SLC25A43: variants seen among roughly 807,000 people sequenced by gnomAD.
SLC25A43 encodes the protein solute carrier family 25, member 43.
SLC25A43 carries 10 observed loss-of-function variants against 22.8 expected under a neutral mutation model. The ratio of observed to expected loss-of-function variants is 0.44; its 90% CI spans 0.27 to 0.74. The LOEUF (loss-of-function observed/expected upper bound fraction) is 0.74. Among genes scored for constraint, SLC25A43 ranks in the 30% least tolerant of loss-of-function variants. The pLI, the probability that SLC25A43 is intolerant of heterozygous loss-of-function variation, is 0.17. For synonymous variants in SLC25A43, 106 were observed against 121.6 expected (o/e 0.87, Z 0.84); for missense variants, 233 against 279.1 (o/e 0.83, Z 1.18).
chrX:119,452,297 C>T (rs1345470391), intron 4 of SLC25A43, among the ~76,000 whole-genome samples, 154 bp downstream of exon 4: 1 of 111,101 alleles, frequency 9.0e-6, no homozygotes, highest in African/African-American at 3.3e-5. Flanking sequence ...GTCTGTCAGC[C>T]CCGTAGAGAG....
chrX:119,399,640 C>A lies in SLC25A43; in HGVS notation c.237C>A (p.Leu79=). ...GGAACGCGGTGGCGTGCCTGCGCCT[C>A]TTCCCCTGCAGCGCCGTGCAGCTCG... ...WKGNAVACLR[L]FPCSAVQLAA... is the part of the protein sequence containing the mutation. Residue 79 remains leucine (L), a synonymous_variant, in exon 1 of 5, where the codon CTC becomes CTA. Transcript: ENST00000217909. The A allele has an allele frequency of 9.8e-7, 1 of 1,015,886 alleles. No homozygotes were observed. Among genetic ancestry groups the A allele is most frequent in the East Asian group, 4.1e-5 (1 of 24,366 alleles). 83.7% of individuals were successfully genotyped at this position (1,015,886 alleles called of 1,213,427 possible). A position where few individuals can be genotyped will look rare whatever the true frequency, so the allele number is the denominator to read the frequency against.
rs922400021 is a variant in SLC25A43 at position 119,419,330 on chromosome X, A to G, written c.690+8968A>G. On this transcript the variant is annotated intron_variant, in intron 3 of 4. Coordinates refer to ENST00000217909, the MANE Select transcript of SLC25A43 (RefSeq NM_145305.3). ...TTATACCCCAGTGGACTTTGACCCC[A>G]TCACAGCTCACAAGGTAAGCAGGAT... Among the ~76,000 whole-genome samples, 3 of 111,889 alleles carry G rather than the reference A, an allele frequency of 2.7e-5. No individual in the cohort carries two copies. The Admixed American group carries it at 2.8e-4, about 11-fold the overall frequency.
Position 119,453,271 on chromosome X carries a change from A to C in SLC25A43, c.*206A>C, listed in dbSNP as rs2052719189. The stretch of plus-strand genomic sequence containing the variant: ...CACTATGAGAAGGTTTCCCAACAAG[A>C]GTGTATCATGATGGCATTCCACGAG... On this transcript the variant is annotated 3_prime_UTR_variant, in exon 5 of 5. Coordinates refer to ENST00000217909, the MANE Select transcript of SLC25A43 (RefSeq NM_145305.3). 1 of 425,287 alleles carries C rather than the reference A, an allele frequency of 2.4e-6. No homozygotes were observed. Among genetic ancestry groups the C allele is most frequent in the East Asian group, 3.8e-5 (1 of 25,982 alleles). The allele number at this position is 425,287 out of a possible 1,213,427, so 35.0% of individuals were successfully genotyped here.
intron 3 of SLC25A43, among the ~76,000 whole-genome samples, chrX:119,451,232 G>T (rs2052705139): frequency 9.0e-6 from 1 of 111,561 alleles, no homozygotes; most frequent in East Asian, 2.8e-4. Flanking sequence ...TAATAATAGG[G>T]TTCCGTCAGG....
At chrX:119,432,050 G>A (rs1193843677) in intron 3 of SLC25A43, among the ~76,000 whole-genome samples, 1 of 108,530 alleles carries the variant, frequency 9.2e-6, no homozygotes, top group Non-Finnish European at 1.9e-5. Flanking sequence ...TACTTGGGAG[G>A]CTGAGGCAGG....
intron 3 of SLC25A43, among the ~76,000 whole-genome samples, chrX:119,428,939 C>T (rs958940639): frequency 8.9e-6 from 1 of 112,141 alleles, no homozygotes; most frequent in East Asian, 2.8e-4. Context: ...ACCATTCCCC[C>T]CAACCCCTTG....
intron 1 of SLC25A43, among the ~76,000 whole-genome samples, chrX:119,402,800 G>A (rs2052250400): frequency 9.0e-6 from 1 of 111,512 alleles, no homozygotes; most frequent in Admixed American, 9.5e-5. Context: ...GGACTGAGAT[G>A]ACATCATTGG....
At chrX:119,406,842 C>G (rs1295385053) in intron 2 of SLC25A43, 141 bp downstream of exon 2, 11 of 743,465 alleles carry the variant, frequency 1.5e-5, no homozygotes, top group Non-Finnish European at 2.1e-5. Flanking sequence ...AGGCAATTAG[C>G]TTCATTCTAT....
chrX:119,414,574 C>T (rs2052382564), intron 3 of SLC25A43, among the ~76,000 whole-genome samples: 2 of 110,608 alleles, frequency 1.8e-5, no homozygotes, highest in Non-Finnish European at 3.8e-5. Context: ...GTTGGCCGGG[C>T]TGGAGTGGTG....
chrX:119,412,528 T>G (rs2052359305), intron 3 of SLC25A43, among the ~76,000 whole-genome samples: 1 of 111,314 alleles, frequency 9.0e-6, no homozygotes, highest in Non-Finnish European at 1.9e-5. Context: ...CATGTGCCAC[T>G]ACACCCAGCT....
chrX:119,434,221 A>G (rs1569374282), intron 3 of SLC25A43, among the ~76,000 whole-genome samples: 1 of 110,598 alleles, frequency 9.0e-6, no homozygotes, highest in Non-Finnish European at 1.9e-5. Flanking sequence ...TAGGTTGATG[A>G]CAGTGCCATT....
chrX:119,453,267 C>A lies in SLC25A43; in HGVS notation c.*202C>A, dbSNP rs2052719164. 1 of 429,260 alleles carries A rather than the reference C, an allele frequency of 2.3e-6. No individual in the cohort carries two copies. Among genetic ancestry groups the A allele is most frequent in the Admixed American group, 4.2e-5 (1 of 23,916 alleles). The allele number at this position is 429,260 out of a possible 1,213,427, so 35.4% of individuals were successfully genotyped here. On this transcript the variant is annotated 3_prime_UTR_variant, in exon 5 of 5. Transcript: ENST00000217909. The stretch of plus-strand genomic sequence containing the variant: ...CCTGCACTATGAGAAGGTTTCCCAA[C>A]AAGAGTGTATCATGATGGCATTCCA...
chrX:119,425,861 C>T (rs943619087), intron 3 of SLC25A43, among the ~76,000 whole-genome samples: 5 of 111,151 alleles, frequency 4.5e-5, no homozygotes. Context: ...GGGGAAGAGC[C>T]TTCCTAACTC....
intron 3 of SLC25A43, among the ~76,000 whole-genome samples, chrX:119,416,140 C>T (rs1427451958): frequency 3.6e-5 from 4 of 110,055 alleles, no homozygotes; most frequent in African/African-American, 1.3e-4. Flanking sequence ...CTTTGTGCTG[C>T]AGCTTTCACC....
At chrX:119,423,528 CA>C (rs748525722) in intron 3 of SLC25A43, 114 of 44,643 alleles carry the variant, frequency 2.6e-3, no homozygotes, top group East Asian at 3.0e-3. Context: ...GACTCTGTCT[CA>C]AAAAAAAAAA....
At chrX:119,405,390 A>G (rs1246423749) in intron 1 of SLC25A43, among the ~76,000 whole-genome samples, 2 of 109,948 alleles carry the variant, frequency 1.8e-5, no homozygotes, top group Admixed American at 2.0e-4. Flanking sequence ...CCCCTGGCCT[A>G]TGGGCAACTG....
At chrX:119,406,031 C>CAA (rs1233586122) in intron 1 of SLC25A43, among the ~76,000 whole-genome samples, 1 of 88,710 alleles carries the variant, frequency 1.1e-5, no homozygotes, top group Non-Finnish European at 2.3e-5. Flanking sequence ...GACTCTGCCT[C>CAA]AAAAAAAAAA....
intron 3 of SLC25A43, among the ~76,000 whole-genome samples, chrX:119,435,481 T>A (rs2052596986): frequency 4.9e-5 from 1 of 20,216 alleles, no homozygotes; most frequent in Non-Finnish European, 9.8e-5. Flanking sequence ...TTTTTTTTTT[T>A]ATTATACTCT....
At chrX:119,403,811 A>C (rs1397326507) in intron 1 of SLC25A43, among the ~76,000 whole-genome samples, 1 of 110,659 alleles carries the variant, frequency 9.0e-6, no homozygotes, top group East Asian at 2.9e-4. Flanking sequence ...TCAACACAGA[A>C]GACTTCTGTG....
Sources: gnomAD v4.1 joint callset for allele counts (sites outside exome capture counted in the v4.1 genomes callset) on GRCh38, gnomAD v4.1.1 for gene constraint, MANE v1.5 for transcripts, NCBI Gene and HGNC (gene_info 2026-07-23, HGNC 2026-07-21) for gene names.